Variants in CTNS observed in about 807,000 individuals in gnomAD.
CTNS encodes cystinosin.
Under a neutral mutation model 43.7 loss-of-function variants are expected in CTNS, and 27 were observed. That is an observed-to-expected ratio of 0.62 (90% CI 0.46 to 0.85). CTNS has a LOEUF of 0.85. Ranked by LOEUF, CTNS falls within the 40% of genes least tolerant of loss-of-function variation. The pLI is 0.00. For missense variants in CTNS, 457 were observed against 475.4 expected (o/e 0.96, Z 0.36); for synonymous variants, 187 against 190.6 (o/e 0.98, Z 0.16).
At chr17:3,656,624 CGTG>C (rs1567711941) in intron 8 of CTNS, 38 bp downstream of exon 8, 1 of 1,612,686 alleles carries the variant, frequency 6.2e-7, no homozygotes, top group South Asian at 1.1e-5. Flanking sequence ...GCCCACATGG[CGTG>C]GTGGCCCGGC....
chr17:3,662,769 G>T lies in CTNS; in HGVS notation c.*2400G>T, dbSNP rs1033317900. On this transcript the variant is annotated 3_prime_UTR_variant, in exon 12 of 12. Coordinates refer to ENST00000046640, the MANE Select transcript of CTNS (RefSeq NM_004937.3). ...CGGGCTTTCAGGCAGGTGGGCCTGGGAGTAGTTGAGCTTTGTCCCAGAACA... is the reference window on the plus strand; with the variant it reads ...CGGGCTTTCAGGCAGGTGGGCCTGGTAGTAGTTGAGCTTTGTCCCAGAACA... 1 of 152,254 alleles carries T rather than the reference G, an allele frequency of 6.6e-6. No individual in the cohort carries two copies. Among genetic ancestry groups the T allele is most frequent in the African/African-American group, 2.4e-5 (1 of 41,452 alleles). 9.4% of individuals were successfully genotyped at this position (152,254 alleles called of 1,614,324 possible).
intron 9 of CTNS, 138 bp from the exon 10 acceptor site, chr17:3,657,867 C>A: frequency 3.4e-6 from 3 of 890,852 alleles, no homozygotes; most frequent in East Asian, 2.5e-5. Context: ...GTGCAGCCCC[C>A]ACCTTGCAGG....
Position 3,661,916 on chromosome 17 carries a change from A to G in CTNS, c.*1547A>G, listed in dbSNP as rs568390703. 6.6e-6 allele frequency among the ~76,000 whole-genome samples: 1 copy of G among 152,326 alleles called. No homozygotes were observed. Among genetic ancestry groups the G allele is most frequent in the South Asian group, 2.1e-4 (1 of 4,830 alleles). On this transcript the variant is annotated 3_prime_UTR_variant, in exon 12 of 12. Transcript: ENST00000046640. The stretch of plus-strand genomic sequence containing the variant: ...AGAATGTCAGGTCTTGTTTCTGCAG[A>G]GCAGACTTTGGCCTGACGGGGTCCA...
chr17:3,640,070 C>T, intron 2 of CTNS, 118 bp from the exon 3 acceptor site: 1 of 817,390 alleles, frequency 1.2e-6, no homozygotes, highest in African/African-American at 1.7e-5. Flanking sequence ...CCTGAGGTCA[C>T]AGCTGTCAGG....
intron 7 of CTNS, chr17:3,655,621 G>T: frequency 9.4e-6 from 4 of 424,448 alleles, no homozygotes; most frequent in Non-Finnish European, 1.3e-5. Context: ...ATGGGCGGGG[G>T]AGGGAGGGCA....
intron 9 of CTNS, chr17:3,657,714 A>G: frequency 2.0e-6 from 1 of 501,664 alleles, no homozygotes; most frequent in Non-Finnish European, 3.7e-6. Context: ...CCAAGTAGGA[A>G]CAAAGCAGAC....
At chr17:3,647,600 C>T in intron 4 of CTNS, 78 bp downstream of exon 4, 3 of 1,287,612 alleles carry the variant, frequency 2.3e-6, no homozygotes, top group South Asian at 2.4e-5. Context: ...CTGGCTCAGT[C>T]TGTTCAGATT....
intron 10 of CTNS, 89 bp downstream of exon 10, chr17:3,658,264 C>T (rs776216872): frequency 1.6e-5 from 24 of 1,538,384 alleles, no homozygotes; most frequent in African/African-American, 4.1e-5. Context: ...CAGCTCCTGC[C>T]GGCGTGAGGA....
At chr17:3,660,122 G>T in intron 11 of CTNS, 114 bp from the exon 12 acceptor site, 1 of 1,517,096 alleles carries the variant, frequency 6.6e-7, no homozygotes. Context: ...AGGGGCCTTC[G>T]TAGCTGGAGG....
intron 11 of CTNS, 35 bp from the exon 12 acceptor site, chr17:3,660,201 C>T (rs368132196): frequency 1.2e-6 from 2 of 1,613,638 alleles, no homozygotes; most frequent in African/African-American, 2.7e-5. Flanking sequence ...GAGCTGCCAA[C>T]CTAACACCAG....
At position 3,660,417 on chromosome 17, in the gene CTNS, G is replaced by A; in HGVS notation, c.*48G>A. On this transcript the variant is annotated 3_prime_UTR_variant, in exon 12 of 12. Transcript: ENST00000046640. ...AGCCTCTGGCCTCGTGCCCTGCTGGGGAAGGCCTCACCCAGCGAAGGCCGG... is the reference window on the plus strand; with the variant it reads ...AGCCTCTGGCCTCGTGCCCTGCTGGAGAAGGCCTCACCCAGCGAAGGCCGG... The A allele has an allele frequency of 6.2e-7, 1 of 1,613,996 alleles. No individual in the cohort carries two copies. Among genetic ancestry groups the A allele is most frequent in the South Asian group, 1.1e-5 (1 of 91,054 alleles).
intron 3 of CTNS, among the ~76,000 whole-genome samples, chr17:3,644,118 T>G (rs1217695481): frequency 6.6e-6 from 1 of 152,240 alleles, no homozygotes. Context: ...AAAAATATCC[T>G]GCAGTTATCA....
chr17:3,649,078 G>T (rs161351), intron 5 of CTNS, 147 bp downstream of exon 5: 4 of 730,200 alleles, frequency 5.5e-6, no homozygotes, highest in Non-Finnish European at 9.8e-6. Context: ...GTGTCTTTTG[G>T]GGATGAGTAT....
intron 3 of CTNS, among the ~76,000 whole-genome samples, chr17:3,643,111 G>T (rs534946236): frequency 6.6e-6 from 1 of 151,974 alleles, no homozygotes; most frequent in South Asian, 2.1e-4. Context: ...TCAGGAGATC[G>T]AGACTATCCT....
chr17:3,656,746 A>C lies in CTNS; in HGVS notation c.632A>C (p.His211Pro). 3 of 1,613,458 alleles carry C rather than the reference A, an allele frequency of 1.9e-6. No homozygotes were observed. Among genetic ancestry groups the C allele is most frequent in the Non-Finnish European group, 1.7e-6 (2 of 1,179,982 alleles). ...AGCAACGACGTCTTCTTCAGCCTGC[A>C]CGCGGTTGTCCTCACGCTGATCATC... The part of the protein sequence containing the change: ...VNSNDVFFSL[H>P]AVVLTLIIIV... The change falls in exon 9 of 12, where the codon CAC becomes CCC. Residue 211 changes from histidine to proline, a missense_variant. Coordinates refer to ENST00000046640, the MANE Select transcript of CTNS (RefSeq NM_004937.3).
chr17:3,653,183 G>A (rs773868550), intron 5 of CTNS, among the ~76,000 whole-genome samples: 3 of 152,186 alleles, frequency 2.0e-5, no homozygotes, highest in Non-Finnish European at 4.4e-5. Flanking sequence ...AGGCCGAAGC[G>A]GGTGGATCAC....
At chr17:3,647,404 C>G in intron 3 of CTNS, 40 bp from the exon 4 acceptor site, 1 of 1,575,192 alleles carries the variant, frequency 6.3e-7, no homozygotes, top group East Asian at 2.2e-5. Context: ...GGCCTGAACT[C>G]TGACCCAGTG....
intron 3 of CTNS, among the ~76,000 whole-genome samples, chr17:3,641,394 T>A (rs1287709526): frequency 2.4e-4 from 18 of 74,766 alleles, no homozygotes; most frequent in South Asian, 1.0e-3. Context: ...ATTTTTTTTT[T>A]TTTTTTTTTT....
rs564208474 is a variant in CTNS, at chr17:3,661,797, A to T, written c.*1428A>T. Among the ~76,000 whole-genome samples the T allele has an allele frequency of 6.6e-6, 1 of 152,228 alleles. No individual in the cohort carries two copies. Among genetic ancestry groups the T allele is most frequent in the East Asian group, 1.9e-4 (1 of 5,170 alleles). ...TCAATCTGGATGTGAGCCGGGGTGG[A>T]TGAGGTTCTGAAGGGCACACCAGCA... On this transcript the variant is annotated 3_prime_UTR_variant, in exon 12 of 12. Coordinates refer to ENST00000046640, the MANE Select transcript of CTNS (RefSeq NM_004937.3).
Sources: allele counts gnomAD v4.1 joint callset (sites outside exome capture counted in the v4.1 genomes callset), GRCh38; gene constraint gnomAD v4.1.1; transcripts MANE v1.5; gene names NCBI Gene and HGNC (gene_info 2026-07-23, HGNC 2026-07-21).